OPCML: variants seen among roughly 807,000 people sequenced by gnomAD.
OPCML encodes opioid binding protein/cell adhesion molecule like, also known as opioid-binding protein/cell adhesion molecule.
OPCML carries 13 observed loss-of-function variants against 37.8 expected under a neutral mutation model. The observed-to-expected ratio is 0.34, with a 90% CI of 0.22 to 0.55. The LOEUF is 0.55. Among genes scored for constraint, OPCML ranks in the 20% least tolerant of loss-of-function variants. The pLI, the probability that OPCML is intolerant of heterozygous loss-of-function variation, is 0.91. For missense variants in OPCML, 341 were observed against 435.6 expected, an observed-to-expected ratio of 0.78 and a Z score of 1.93; for synonymous variants, 176 against 168.8, an observed-to-expected ratio of 1.04 and a Z score of -0.33.
chr11:132,438,516 G>GCAGGAA (rs1164119665), intron 4 of OPCML, among the ~76,000 whole-genome samples: 1 of 152,140 alleles, frequency 6.6e-6, no homozygotes, highest in Non-Finnish European at 1.5e-5. Context: ...AGGATGTGGA[G>GCAGGAA]CAGGAACGTG....
chr11:133,330,558 C>A (rs1943595147), intron 1 of OPCML, among the ~76,000 whole-genome samples: 2 of 151,978 alleles, frequency 1.3e-5, no homozygotes, highest in South Asian at 2.1e-4. Flanking sequence ...AAGCTGGAAA[C>A]CATCATTCTC....
At position 132,669,999 on chromosome 11, in the gene OPCML, G is replaced by A. The variant is rs1227534015; in HGVS notation, c.147-12680C>T. Among the ~76,000 whole-genome samples, 5 of 152,148 alleles carry A rather than the reference G, an allele frequency of 3.3e-5. No homozygotes were observed. In the East Asian group the frequency reaches 9.7e-4, roughly 30 times the overall value. ...TTATTTGTCATCTGGCTCTGACTCT[G>A]CCCTCCCTTCCTCCACATCCTGAAC... On this transcript the variant is annotated intron_variant, in intron 2 of 7. Coordinates refer to ENST00000524381, the MANE Select transcript of OPCML (RefSeq NM_001012393.5).
chr11:132,676,488 TAAAA>T (rs200215449), intron 2 of OPCML, among the ~76,000 whole-genome samples: 1 of 148,628 alleles, frequency 6.7e-6, no homozygotes, highest in Non-Finnish European at 1.5e-5. Context: ...AGTGAGAAAG[TAAAA>T]AAAAAATCTA....
At chr11:133,462,974 G>A (rs1258302974) in intron 1 of OPCML, among the ~76,000 whole-genome samples, 1 of 152,050 alleles carries the variant, frequency 6.6e-6, no homozygotes, top group Non-Finnish European at 1.5e-5. Flanking sequence ...AATGTGATAT[G>A]TACACACAAT....
intron 1 of OPCML, chr11:133,066,242 A>G (rs904154150): frequency 1.3e-5 from 2 of 152,290 alleles, no homozygotes; most frequent in Non-Finnish European, 2.9e-5. Context: ...CTCTACAACC[A>G]GTTAACAGAC....
At chr11:133,025,290 G>C (rs1565403808) in intron 1 of OPCML, 2 of 975,270 alleles carry the variant, frequency 2.1e-6, no homozygotes, top group East Asian at 1.1e-4. Flanking sequence ...CCACGTACTA[G>C]GACAGTCCAT....
chr11:132,836,256 G>T (rs1325123627), intron 2 of OPCML, among the ~76,000 whole-genome samples: 1 of 151,968 alleles, frequency 6.6e-6, no homozygotes, highest in Non-Finnish European at 1.5e-5. Context: ...AATACACAAA[G>T]AAAAATGCTG....
At chr11:132,438,435 T>C (rs915209114) in intron 4 of OPCML, among the ~76,000 whole-genome samples, 16 of 152,184 alleles carry the variant, frequency 1.1e-4, no homozygotes, top group Admixed American at 3.3e-4. Flanking sequence ...TCTAATCCAA[T>C]GGGTTTGGGT....
rs535462004 is a variant in OPCML at position 133,299,309 on chromosome 11, T to C, written c.61+232955A>G. 5 of 152,356 alleles carry C rather than the reference T, an allele frequency of 3.3e-5. 1 individual carries two copies. The highest frequency in any genetic ancestry group is 3.3e-4 in the Admixed American group (5 of 15,310). The allele number at this position is 152,356 out of a possible 1,614,324, so 9.4% of individuals were successfully genotyped here. On this transcript the variant is annotated intron_variant, in intron 1 of 7. Transcript: ENST00000524381. Reference sequence around the variant, plus strand: ...TTTGTTGCTGGGACCCAAAGAACTGTTCTTCTGGTTCCTTCCACTGTGCTG... The same window carrying C: ...TTTGTTGCTGGGACCCAAAGAACTGCTCTTCTGGTTCCTTCCACTGTGCTG...
At chr11:133,421,335 C>T in intron 1 of OPCML, 1 of 985,284 alleles carries the variant, frequency 1.0e-6, no homozygotes, top group Non-Finnish European at 1.2e-6. Flanking sequence ...TTAAGCAGTA[C>T]AGGAAATGAT....
chr11:133,483,387 CAT>C (rs1947424893), intron 1 of OPCML, among the ~76,000 whole-genome samples: 1 of 147,754 alleles, frequency 6.8e-6, no homozygotes, highest in African/African-American at 2.5e-5. Flanking sequence ...TGATAGATAA[CAT>C]AGATAAATAG....
chr11:132,993,928 G>A (rs1322616931), intron 1 of OPCML, among the ~76,000 whole-genome samples: 1 of 152,162 alleles, frequency 6.6e-6, no homozygotes, highest in Non-Finnish European at 1.5e-5. Context: ...CCTCTAACGA[G>A]TTGAACACAC....
At chr11:132,850,539 GTGT>G (rs1425851434) in intron 2 of OPCML, among the ~76,000 whole-genome samples, 2 of 152,008 alleles carry the variant, frequency 1.3e-5, no homozygotes, top group Admixed American at 6.6e-5. Flanking sequence ...GTGTGTGTGT[GTGT>G]GTGTTTACAC....
chr11:132,866,215 A>G (rs1294966696), intron 2 of OPCML, among the ~76,000 whole-genome samples: 1 of 152,238 alleles, frequency 6.6e-6, no homozygotes, highest in African/African-American at 2.4e-5. Context: ...ACAAAAGAAC[A>G]TAAATTGTTT....
chr11:133,458,792 C>CACGTGTGTGTGTATATACACATAGATGT (rs1946783561), intron 1 of OPCML, among the ~76,000 whole-genome samples: 1 of 147,090 alleles, frequency 6.8e-6, no homozygotes, highest in Admixed American at 6.7e-5. Context: ...CACATAGATG[C>CACGTGTGTGTGTATATACACATAGATGT]ACGTGTGTGT....
intron 1 of OPCML, among the ~76,000 whole-genome samples, chr11:133,262,169 A>G (rs2136458760): frequency 6.6e-6 from 1 of 152,302 alleles, no homozygotes; most frequent in East Asian, 1.9e-4. Flanking sequence ...CAGGCTCATG[A>G]ACCTATATGC....
chr11:132,680,603 C>T (rs1308338825), intron 2 of OPCML, among the ~76,000 whole-genome samples: 1 of 152,206 alleles, frequency 6.6e-6, no homozygotes, highest in Admixed American at 6.5e-5. Flanking sequence ...CGGCTGCGGC[C>T]ACGCTACCTC....
At chr11:132,535,921 T>C (rs2096339528) in intron 3 of OPCML, among the ~76,000 whole-genome samples, 1 of 152,152 alleles carries the variant, frequency 6.6e-6, no homozygotes. Context: ...CTCTCCACAT[T>C]GTCAAGAACT....
intron 2 of OPCML, among the ~76,000 whole-genome samples, chr11:132,736,526 T>C (rs1945266506): frequency 6.6e-6 from 1 of 152,176 alleles, no homozygotes; most frequent in Non-Finnish European, 1.5e-5. Context: ...CCTTCCACAC[T>C]GAATTATGGT....
Sources: gnomAD v4.1 joint callset for allele counts (sites outside exome capture counted in the v4.1 genomes callset) on GRCh38, gnomAD v4.1.1 for gene constraint, MANE v1.5 for transcripts, NCBI Gene and HGNC (gene_info 2026-07-23, HGNC 2026-07-21) for gene names.